Variants in LUZP2 observed in about 807,000 individuals in gnomAD.
The protein encoded by LUZP2 is leucine zipper protein 2.
Under a neutral mutation model 51.6 loss-of-function variants are expected in LUZP2, and 52 were observed. That is an observed-to-expected ratio of 1.01 (90% CI 0.81 to 1.27). LUZP2 has a LOEUF of 1.27. LUZP2 is among the 50% of genes most tolerant of loss of function. The pLI, the probability that LUZP2 is intolerant of heterozygous loss-of-function variation, is 0.00. For synonymous variants in LUZP2, 154 were observed against 137.3 expected (o/e 1.12, Z -0.85); for missense variants, 436 against 395.4 (o/e 1.10, Z -0.87).
chr11:24,680,623 G>A (rs1435381704), intron 1 of LUZP2, among the ~76,000 whole-genome samples: 8 of 152,172 alleles, frequency 5.3e-5, no homozygotes. Context: ...TGTGATTGGA[G>A]ATAATTAGCA....
At position 25,082,365 on chromosome 11, in the gene LUZP2, C is replaced by G. The variant is rs1458814071; in HGVS notation, c.*3707C>G. ...ATAATGAAATCTTTTATTTTTATAG[C>G]TCAGGTATTGTAATTAGCACTAATT... On this transcript the variant is annotated 3_prime_UTR_variant, in exon 12 of 12. Coordinates refer to ENST00000336930, the MANE Select transcript of LUZP2 (RefSeq NM_001009909.4). 6.6e-6 allele frequency: 1 copy of G among 152,504 alleles called. No individual in the cohort carries two copies. Among genetic ancestry groups the G allele is most frequent in the Non-Finnish European group, 1.5e-5 (1 of 68,020 alleles). The allele number at this position is 152,504 out of a possible 1,614,324, so 9.4% of individuals were successfully genotyped here.
chr11:24,900,639 A>G (rs1420114974), intron 5 of LUZP2, among the ~76,000 whole-genome samples: 1 of 152,184 alleles, frequency 6.6e-6, no homozygotes, highest in African/African-American at 2.4e-5. Flanking sequence ...TGTATCCTAC[A>G]CTTGTGCCAG....
chr11:24,945,403 G>C (rs1320397627), intron 7 of LUZP2, among the ~76,000 whole-genome samples: 1 of 151,858 alleles, frequency 6.6e-6, no homozygotes, highest in Admixed American at 6.6e-5. Context: ...GTTAACTCAG[G>C]CTCTCTTCAC....
chr11:24,790,782 G>A (rs910601779), intron 5 of LUZP2, among the ~76,000 whole-genome samples: 3 of 152,036 alleles, frequency 2.0e-5, no homozygotes, highest in Admixed American at 2.0e-4. Flanking sequence ...GATTACAGAC[G>A]TGAGCCATCA....
chr11:24,536,503 C>T (rs938257046), intron 1 of LUZP2, among the ~76,000 whole-genome samples: 4 of 151,806 alleles, frequency 2.6e-5, no homozygotes, highest in Non-Finnish European at 5.9e-5. Flanking sequence ...ATGGAGATGG[C>T]CTCTTTCCTT....
At chr11:24,747,794 A>G (rs1429301761) in intron 4 of LUZP2, among the ~76,000 whole-genome samples, 2 of 152,024 alleles carry the variant, frequency 1.3e-5, no homozygotes, top group Non-Finnish European at 2.9e-5. Context: ...TAGGAGGATT[A>G]TGGCTACCTC....
intron 9 of LUZP2, among the ~76,000 whole-genome samples, chr11:25,015,961 C>T (rs1400010130): frequency 6.7e-6 from 1 of 149,310 alleles, no homozygotes; most frequent in Non-Finnish European, 1.5e-5. Flanking sequence ...CTCTCTGTCA[C>T]CCAGGCTGGA....
chr11:24,736,229 A>G (rs1417632914), intron 3 of LUZP2, among the ~76,000 whole-genome samples: 2 of 151,906 alleles, frequency 1.3e-5, no homozygotes, highest in Admixed American at 6.6e-5. Flanking sequence ...CTATCTATCT[A>G]TATTTGTAAA....
At chr11:24,738,328 T>G (rs1451126147) in intron 4 of LUZP2, 26 bp downstream of exon 4, 5 of 1,553,620 alleles carry the variant, frequency 3.2e-6, no homozygotes, top group Non-Finnish European at 4.4e-6. Flanking sequence ...CTTTGTGCCT[T>G]TTGCTTTTGG....
chr11:24,560,617 C>T (rs549798356), intron 1 of LUZP2, among the ~76,000 whole-genome samples: 2 of 152,210 alleles, frequency 1.3e-5, no homozygotes, highest in African/African-American at 4.8e-5. Context: ...TTTGCCCCAT[C>T]CCCAAAGACT....
intron 10 of LUZP2, among the ~76,000 whole-genome samples, chr11:25,066,097 G>A (rs1900206): frequency 0.53 from 79,630 of 151,184 alleles, 21,621 homozygotes; most frequent in African/African-American, 0.6. Context: ...TTGGAAGGAG[G>A]ATTTCTAGGG....
At chr11:24,957,698 A>G (rs1438904435) in intron 7 of LUZP2, among the ~76,000 whole-genome samples, 1 of 152,142 alleles carries the variant, frequency 6.6e-6, no homozygotes, top group Non-Finnish European at 1.5e-5. Context: ...AGGCTGAATA[A>G]TATTTCCTTG....
intron 5 of LUZP2, among the ~76,000 whole-genome samples, chr11:24,856,508 G>C (rs1851571673): frequency 6.6e-6 from 1 of 152,004 alleles, no homozygotes; most frequent in South Asian, 2.1e-4. Context: ...ACCCTCTATA[G>C]AAAACTTAAA....
chr11:24,912,715 C>G (rs962127423), intron 6 of LUZP2, among the ~76,000 whole-genome samples: 6 of 152,084 alleles, frequency 3.9e-5, no homozygotes, highest in African/African-American at 1.4e-4. Flanking sequence ...GAGGCTGAGG[C>G]AGGAGAATTG....
chr11:25,071,853 AAAAAT>A (rs979505003), intron 10 of LUZP2, among the ~76,000 whole-genome samples: 10 of 152,032 alleles, frequency 6.6e-5, no homozygotes, highest in South Asian at 2.1e-4. Context: ...AAAGATAAAA[AAAAAT>A]AAATAAATCA....
intron 1 of LUZP2, among the ~76,000 whole-genome samples, chr11:24,723,333 T>G (rs951064731): frequency 6.6e-6 from 1 of 152,210 alleles, no homozygotes; most frequent in Non-Finnish European, 1.5e-5. Flanking sequence ...GTAGAACATA[T>G]GCGTGCTTTA....
chr11:24,769,846 G>T (rs1046500143), intron 5 of LUZP2, among the ~76,000 whole-genome samples: 3 of 151,250 alleles, frequency 2.0e-5, no homozygotes, highest in East Asian at 1.9e-4. Context: ...AGGCTGGAGT[G>T]CAGTGGCACC....
intron 1 of LUZP2, among the ~76,000 whole-genome samples, chr11:24,570,514 A>G (rs1852398414): frequency 6.6e-6 from 1 of 152,020 alleles, no homozygotes; most frequent in African/African-American, 2.4e-5. Context: ...TTTGAAGTTG[A>G]CTGATTTTTT....
chr11:24,546,501 A>G (rs2133734329), intron 1 of LUZP2, among the ~76,000 whole-genome samples: 1 of 152,156 alleles, frequency 6.6e-6, no homozygotes, highest in East Asian at 1.9e-4. Context: ...ATTTTATCAA[A>G]AGCTTTTTTT....
Sources: allele counts gnomAD v4.1 joint callset (sites outside exome capture counted in the v4.1 genomes callset), GRCh38; gene constraint gnomAD v4.1.1; transcripts MANE v1.5; gene names NCBI Gene and HGNC (gene_info 2026-07-23, HGNC 2026-07-21).